The following ASCC3 variants were observed in gnomAD, a reference collection of about 807,000 sequenced individuals.
ASCC3 encodes the protein activating signal cointegrator 1 complex subunit 3, also known as ASC-1 complex subunit P200.
ASCC3 carries 158 observed loss-of-function variants against 256.3 expected under a neutral mutation model. The ratio of observed to expected loss-of-function variants is 0.62; its 90% CI spans 0.54 to 0.70. The LOEUF is 0.70. Among genes scored for constraint, ASCC3 ranks in the 30% least tolerant of loss-of-function variants. The pLI is 0.00. For synonymous variants in ASCC3, 948 were observed against 883.4 expected, an observed-to-expected ratio of 1.07 and a Z score of -1.30; for missense variants, 2,259 against 2,626.0, an observed-to-expected ratio of 0.86 and a Z score of 3.05.
At position 100,662,512 on chromosome 6, in the gene ASCC3, C is replaced by T. The variant is rs1269147977; in HGVS notation, c.2311G>A (p.Val771Ile). Residue 771 changes from valine (V) to isoleucine (I), a missense_variant, in exon 15 of 42, where the codon GTA (valine) becomes ATA (isoleucine). Val to Ile is a conservative substitution (Grantham distance 29). This residue lies in a region of ASCC3 where 1,839 missense variants were observed against 2,206.7 expected (regional missense o/e 0.83). Coordinates refer to ENST00000369162, the MANE Select transcript of ASCC3 (RefSeq NM_006828.4). ...KQVQRSRNKQ[V>I]RELFPDGFSI... ...AAACCATCTGGGAATAATTCTCGTA[C>T]TTGCTTATTTCTCGACCTTTGTACC... is the stretch of plus-strand genomic sequence containing the variant. The T allele has an allele frequency of 6.2e-7, 1 of 1,613,072 alleles. No homozygotes were observed. Among genetic ancestry groups the T allele is most frequent in the Non-Finnish European group, 8.5e-7 (1 of 1,179,338 alleles).
chr6:100,584,596 AT>A (rs1232190285), intron 36 of ASCC3, among the ~76,000 whole-genome samples: 37 of 151,328 alleles, frequency 2.4e-4, no homozygotes, highest in African/African-American at 9.0e-4. Flanking sequence ...TAAAGTTAAT[AT>A]TGTTATGTGT....
At chr6:100,730,807 C>T (rs575826063) in intron 10 of ASCC3, among the ~76,000 whole-genome samples, 4 of 152,136 alleles carry the variant, frequency 2.6e-5, no homozygotes, top group Admixed American at 6.5e-5. Context: ...CAGTTAGTTC[C>T]ACTCACTTCC....
intron 36 of ASCC3, among the ~76,000 whole-genome samples, chr6:100,562,434 A>C (rs1047910093): frequency 1.8e-4 from 28 of 152,070 alleles, no homozygotes; most frequent in African/African-American, 6.8e-4. Context: ...AAGAATTATT[A>C]ATCAGTAGGT....
At chr6:100,657,152 T>C (rs1053959008) in intron 16 of ASCC3, among the ~76,000 whole-genome samples, 2 of 151,278 alleles carry the variant, frequency 1.3e-5, no homozygotes, top group African/African-American at 4.8e-5. Flanking sequence ...TATAGTATTA[T>C]GATATACTAT....
intron 10 of ASCC3, among the ~76,000 whole-genome samples, chr6:100,736,139 C>A (rs1056258985): frequency 1.4e-5 from 2 of 142,328 alleles, no homozygotes; most frequent in African/African-American, 2.6e-5. Context: ...ATTATCGATA[C>A]CACAATATTG....
intron 14 of ASCC3, among the ~76,000 whole-genome samples, chr6:100,665,135 C>A (rs1776401985): frequency 1.3e-5 from 2 of 152,036 alleles, no homozygotes; most frequent in South Asian, 4.1e-4. Context: ...GGAGTACTGA[C>A]ATAGTACCTC....
chr6:100,553,810 T>A (rs1325164847), intron 36 of ASCC3, among the ~76,000 whole-genome samples: 1 of 152,140 alleles, frequency 6.6e-6, no homozygotes, highest in Non-Finnish European at 1.5e-5. Flanking sequence ...CAATCTGTTC[T>A]ACAAATGCCA....
rs1452943921 is a variant in ASCC3 at position 100,864,078 on chromosome 6, G to T, written c.227C>A (p.Ala76Asp). Residue 76 changes from alanine to aspartate, a missense_variant, in exon 3 of 42, where the codon GCT becomes GAT. Physicochemically the swap from Ala to Asp is moderately radical, Grantham distance 126. Coordinates refer to ENST00000369162, the MANE Select transcript of ASCC3 (RefSeq NM_006828.4). ...INEDLKDILHAAKQIVGTDNG... is the reference protein window; with the variant it reads ...INEDLKDILHDAKQIVGTDNG... Reference sequence around the variant, plus strand: ...GAAAACTATACCTATCTGCTTTGCAGCATGTAATATATCTTTTAAGTCTTC... The same window carrying T: ...GAAAACTATACCTATCTGCTTTGCATCATGTAATATATCTTTTAAGTCTTC... 1.3e-6 allele frequency: 2 copies of T among 1,578,500 alleles called. No homozygotes were observed.
At chr6:100,546,550 G>A (rs924543800) in intron 36 of ASCC3, among the ~76,000 whole-genome samples, 3 of 151,976 alleles carry the variant, frequency 2.0e-5, no homozygotes, top group African/African-American at 7.3e-5. Flanking sequence ...CTTGCATGTA[G>A]GACAACTCAG....
At chr6:100,851,180 A>ATTAGTC in intron 3 of ASCC3, among the ~76,000 whole-genome samples, 1 of 152,162 alleles carries the variant, frequency 6.6e-6, no homozygotes, top group East Asian at 1.9e-4. Flanking sequence ...CAAGATTAAC[A>ATTAGTC]TTAGTCTTCT....
chr6:100,841,298 T>C (rs1772134243), intron 4 of ASCC3, among the ~76,000 whole-genome samples: 2 of 152,154 alleles, frequency 1.3e-5, no homozygotes, highest in Non-Finnish European at 2.9e-5. Flanking sequence ...CAAGAACCAC[T>C]TATACATTTG....
chr6:100,619,265 A>G (rs1773826405), intron 30 of ASCC3, among the ~76,000 whole-genome samples: 1 of 152,184 alleles, frequency 6.6e-6, no homozygotes, highest in Non-Finnish European at 1.5e-5. Flanking sequence ...TATCAAAAGG[A>G]TTAACAGTTT....
chr6:100,631,149 A>T lies in ASCC3; in HGVS notation c.4187T>A (p.Ile1396Lys). Residue 1396 changes from isoleucine (I) to lysine (K), a missense_variant, in exon 26 of 42, where the codon ATA (isoleucine) becomes AAA (lysine). By Grantham distance (102) the Ile-to-Lys change is moderately radical. Transcript: ENST00000369162. ...TTACTTTTTACCAAGTTTTTCTTCT[A>T]TTCTAACTTTCCAATCATCCATTCT... The part of the protein sequence containing the change: ...RERMDDWKVR[I>K]EEKLGKKVIE... The T allele has an allele frequency of 6.2e-7, 1 of 1,611,812 alleles. No individual in the cohort carries two copies. Among genetic ancestry groups the T allele is most frequent in the African/African-American group, 1.3e-5 (1 of 74,944 alleles).
intron 34 of ASCC3, among the ~76,000 whole-genome samples, chr6:100,593,943 GTATGT>G (rs767175641): frequency 2.7e-4 from 41 of 151,984 alleles, no homozygotes; most frequent in Non-Finnish European, 5.1e-4. Context: ...ATGTGTGTGT[GTATGT>G]TATATGTATA....
At chr6:100,823,007 C>T (rs1771127779) in intron 4 of ASCC3, among the ~76,000 whole-genome samples, 1 of 151,470 alleles carries the variant, frequency 6.6e-6, no homozygotes, top group Non-Finnish European at 1.5e-5. Flanking sequence ...GATCACCACA[C>T]AAAAAAGCAC....
At chr6:100,708,480 C>A (rs968076022) in intron 13 of ASCC3, among the ~76,000 whole-genome samples, 3 of 152,040 alleles carry the variant, frequency 2.0e-5, no homozygotes, top group Non-Finnish European at 4.4e-5. Context: ...GGAAAGAAAT[C>A]TCAGGGATGC....
In ASCC3 at chr6:100,799,565, C is replaced by T. The variant is rs1769808853; in HGVS notation, c.1135G>A (p.Ala379Thr). The change falls in exon 7 of 42, where the codon GCA becomes ACA. Residue 379 changes from alanine to threonine, a missense_variant. Transcript: ENST00000369162. ...GGAACACTTCTAGCATTCAGAAGTG[C>T]CTGTTCTCTGTAAACATAAAAATAG... ...PKELRIQREQ[A>T]LLNARSVPIL... 6.2e-7 allele frequency: 1 copy of T among 1,611,944 alleles called. No individual in the cohort carries two copies. The highest frequency in any genetic ancestry group is 8.5e-7 in the Non-Finnish European group (1 of 1,179,198).
At chr6:100,511,139 A>G (rs1004585733) in intron 40 of ASCC3, among the ~76,000 whole-genome samples, 5 of 152,252 alleles carry the variant, frequency 3.3e-5, no homozygotes, top group Admixed American at 2.0e-4. Flanking sequence ...ACATTAAGTC[A>G]TCTAAAAAAT....
intron 13 of ASCC3, among the ~76,000 whole-genome samples, chr6:100,712,971 G>T (rs1274352106): frequency 6.6e-6 from 1 of 151,816 alleles, no homozygotes; most frequent in Admixed American, 6.6e-5. Context: ...TGTTAGCCAG[G>T]ATGGTCTCCA....
Sources: allele counts gnomAD v4.1 joint callset (sites outside exome capture counted in the v4.1 genomes callset), GRCh38; gene constraint gnomAD v4.1.1; regional missense constraint gnomAD v4.1.1; transcripts MANE v1.5; gene names NCBI Gene and HGNC (gene_info 2026-07-23, HGNC 2026-07-21).